WDR17: variants seen among roughly 807,000 people sequenced by gnomAD.
WDR17 encodes WD repeat-containing protein 17.
Under a neutral mutation model 161.7 loss-of-function variants are expected in WDR17, and 143 were observed. That is an observed-to-expected ratio of 0.88 (90% CI 0.77 to 1.02). The LOEUF (loss-of-function observed/expected upper bound fraction) is 1.02, where lower values mean the gene tolerates loss of function less well. WDR17 is among the 50% of genes least tolerant of loss of function. The pLI, the probability that WDR17 is intolerant of heterozygous loss-of-function variation, is 0.00. For missense variants in WDR17, 1,469 were observed against 1,520.9 expected (o/e 0.97, Z 0.57); for synonymous variants, 517 against 515.6 (o/e 1.00, Z -0.04).
At chr4:176,099,200 C>T (rs567056960) in intron 1 of WDR17, among the ~76,000 whole-genome samples, 1 of 152,208 alleles carries the variant, frequency 6.6e-6, no homozygotes, top group Admixed American at 6.6e-5. Flanking sequence ...ACAACTCTTC[C>T]TAGATCCACC....
chr4:176,125,789 A>G (rs904135454), intron 5 of WDR17, among the ~76,000 whole-genome samples: 3 of 152,218 alleles, frequency 2.0e-5, no homozygotes, highest in Non-Finnish European at 1.5e-5. Flanking sequence ...ATATTCTGCT[A>G]TAACAGAATA....
At chr4:176,156,435 G>A (rs920152632) in intron 18 of WDR17, among the ~76,000 whole-genome samples, 5 of 152,246 alleles carry the variant, frequency 3.3e-5, no homozygotes, top group Admixed American at 3.3e-4. Context: ...AATTGCTATT[G>A]AAATATAAGT....
intron 6 of WDR17, among the ~76,000 whole-genome samples, chr4:176,130,738 C>T (rs557300799): frequency 1.1e-3 from 157 of 147,252 alleles, no homozygotes; most frequent in Non-Finnish European, 2.0e-3. Context: ...GAGCGAGACT[C>T]CGTCTCAAAA....
At chr4:176,156,955 A>C (rs1376414631) in intron 18 of WDR17, among the ~76,000 whole-genome samples, 4 of 152,040 alleles carry the variant, frequency 2.6e-5, no homozygotes, top group African/African-American at 7.3e-5. Flanking sequence ...TCCTCTTCTT[A>C]TAAGTCATGA....
At chr4:176,140,387 T>A (rs998269451) in intron 10 of WDR17, among the ~76,000 whole-genome samples, 27 of 152,086 alleles carry the variant, frequency 1.8e-4, no homozygotes, top group Non-Finnish European at 8.8e-5. Flanking sequence ...TAGATGCTTT[T>A]ATTTATAAAG....
chr4:176,085,311 G>A (rs968599264), intron 1 of WDR17, among the ~76,000 whole-genome samples: 8 of 151,844 alleles, frequency 5.3e-5, no homozygotes, highest in East Asian at 1.9e-4. Context: ...CTTCTTACAC[G>A]TCTTTTTCAG....
intron 1 of WDR17, among the ~76,000 whole-genome samples, chr4:176,067,953 T>A (rs1732731487): frequency 6.6e-6 from 1 of 152,222 alleles, no homozygotes; most frequent in Non-Finnish European, 1.5e-5. Flanking sequence ...GTACCTGATT[T>A]TGTTGCCTAA....
chr4:176,177,250 A>G, intron 27 of WDR17, 94 bp downstream of exon 27: 1 of 1,178,372 alleles, frequency 8.5e-7, no homozygotes, highest in Non-Finnish European at 1.2e-6. Flanking sequence ...TAATTTTAGC[A>G]GAATAATGAA....
intron 1 of WDR17, among the ~76,000 whole-genome samples, chr4:176,097,929 G>A (rs1382075400): frequency 6.6e-6 from 1 of 151,906 alleles, no homozygotes; most frequent in Non-Finnish European, 1.5e-5. Context: ...ATACTACTAT[G>A]GGCCTTTATA....
intron 6 of WDR17, among the ~76,000 whole-genome samples, chr4:176,130,602 G>A (rs377059107): frequency 2.3e-4 from 35 of 151,988 alleles, no homozygotes; most frequent in Admixed American, 7.2e-4. Context: ...AAAATTAGCC[G>A]GGCGTGGTGG....
chr4:176,089,496 AC>A, intron 1 of WDR17, among the ~76,000 whole-genome samples: 1 of 151,786 alleles, frequency 6.6e-6, no homozygotes, highest in Middle Eastern at 3.4e-3. Flanking sequence ...ATACCCCTAA[AC>A]CCCTTTCTGT....
intron 1 of WDR17, among the ~76,000 whole-genome samples, chr4:176,095,952 G>A (rs1208066719): frequency 6.6e-6 from 1 of 152,080 alleles, no homozygotes; most frequent in Admixed American, 6.6e-5. Context: ...TATTAGCACT[G>A]TATTAAATGG....
chr4:176,091,379 A>G (rs1337078405), intron 1 of WDR17, among the ~76,000 whole-genome samples: 1 of 152,208 alleles, frequency 6.6e-6, no homozygotes, highest in African/African-American at 2.4e-5. Context: ...GATATTAAAC[A>G]ATATGCTCCT....
chr4:176,139,354 T>C (rs73003431), intron 9 of WDR17, among the ~76,000 whole-genome samples: 3,092 of 152,012 alleles, frequency 0.02, 111 homozygotes, highest in African/African-American at 0.071. Context: ...TGGCCCTTCC[T>C]CAGTCCTAGA....
At chr4:176,113,197 A>C (rs763579648) in intron 2 of WDR17, among the ~76,000 whole-genome samples, 2 of 151,854 alleles carry the variant, frequency 1.3e-5, no homozygotes, top group Admixed American at 6.6e-5. Flanking sequence ...GTCACTCCCA[A>C]ATCCCACCTA....
At chr4:176,080,313 A>G (rs1734577925) in intron 1 of WDR17, among the ~76,000 whole-genome samples, 1 of 151,980 alleles carries the variant, frequency 6.6e-6, no homozygotes, top group Non-Finnish European at 1.5e-5. Context: ...GTAAATGTAT[A>G]TGGTATTTAA....
chr4:176,159,359 GC>G (rs1686811030), intron 18 of WDR17, among the ~76,000 whole-genome samples: 2 of 151,650 alleles, frequency 1.3e-5, no homozygotes, highest in Middle Eastern at 3.4e-3. Context: ...AGAAATGGGT[GC>G]AGAGAGACAG....
intron 22 of WDR17, among the ~76,000 whole-genome samples, chr4:176,167,674 A>C (rs1342542201): frequency 6.7e-6 from 1 of 149,344 alleles, no homozygotes. Context: ...AAAAAAAAAC[A>C]ATATCTTGAA....
rs370420814 is a variant in WDR17, at chr4:176,089,120, T to G, written c.-6-22455T>G. ...AGCACTGCTGTGGATTTTTAGTATGTAATTTCTTTTTATTTAGATTACGTA... is the reference window on the plus strand; with the variant it reads ...AGCACTGCTGTGGATTTTTAGTATGGAATTTCTTTTTATTTAGATTACGTA... On this transcript the variant is annotated intron_variant, in intron 1 of 28. Transcript: ENST00000508596. 2.6e-5 allele frequency among the ~76,000 whole-genome samples: 4 copies of G among 152,304 alleles called. No individual in the cohort carries two copies. The East Asian group carries it at 7.7e-4, about 29-fold the overall frequency.
Sources: gnomAD v4.1 joint callset for allele counts (sites outside exome capture counted in the v4.1 genomes callset) on GRCh38, gnomAD v4.1.1 for gene constraint, MANE v1.5 for transcripts, NCBI Gene and HGNC (gene_info 2026-07-23, HGNC 2026-07-21) for gene names.